Variants in CLSTN2 observed in about 807,000 individuals in gnomAD.
CLSTN2 encodes calsyntenin-2.
CLSTN2 carries 48 observed loss-of-function variants against 101.2 expected under a neutral mutation model. The ratio of observed to expected loss-of-function variants is 0.47; its 90% CI spans 0.38 to 0.60. The LOEUF (loss-of-function observed/expected upper bound fraction) is 0.60, where lower values mean the gene tolerates loss of function less well. Among genes scored for constraint, CLSTN2 ranks in the 20% least tolerant of loss-of-function variants. The pLI is 0.00. For synonymous variants in CLSTN2, 481 were observed against 463.6 expected, an observed-to-expected ratio of 1.04 and a Z score of -0.48; for missense variants, 1,160 against 1,238.2, an observed-to-expected ratio of 0.94 and a Z score of 0.95.
intron 8 of CLSTN2, among the ~76,000 whole-genome samples, chr3:140,472,672 T>C (rs1933878120): frequency 6.6e-6 from 1 of 152,204 alleles, no homozygotes; most frequent in African/African-American, 2.4e-5. Context: ...ACCAGTGTCC[T>C]AAACAGAGGG....
At chr3:140,035,532 T>G (rs962099104) in intron 1 of CLSTN2, among the ~76,000 whole-genome samples, 1 of 152,206 alleles carries the variant, frequency 6.6e-6, no homozygotes, top group Non-Finnish European at 1.5e-5. Context: ...GTTCTAAATC[T>G]TACTAGCTGT....
chr3:140,111,394 C>A (rs1280653025), intron 1 of CLSTN2, among the ~76,000 whole-genome samples: 2 of 152,118 alleles, frequency 1.3e-5, no homozygotes, highest in African/African-American at 4.8e-5. Context: ...GACAAATGAA[C>A]TCTGCAATAG....
chr3:140,188,049 G>A (rs2010507644), intron 2 of CLSTN2, among the ~76,000 whole-genome samples: 1 of 152,162 alleles, frequency 6.6e-6, no homozygotes, highest in Admixed American at 6.5e-5. Flanking sequence ...ACAGTGGAGT[G>A]TACTTGTCTA....
chr3:140,093,803 A>G (rs1018420302), intron 1 of CLSTN2, among the ~76,000 whole-genome samples: 2 of 152,250 alleles, frequency 1.3e-5, no homozygotes, highest in East Asian at 1.9e-4. Flanking sequence ...TACAATTAGT[A>G]TGTCAAACCT....
At chr3:140,092,049 T>C (rs1216717179) in intron 1 of CLSTN2, among the ~76,000 whole-genome samples, 1 of 152,124 alleles carries the variant, frequency 6.6e-6, no homozygotes, top group African/African-American at 2.4e-5. Flanking sequence ...TACCAGCCCG[T>C]TGGATCAGCC....
At chr3:140,327,585 G>C (rs2087344385) in intron 2 of CLSTN2, among the ~76,000 whole-genome samples, 1 of 152,182 alleles carries the variant, frequency 6.6e-6, no homozygotes, top group Non-Finnish European at 1.5e-5. Flanking sequence ...ATACTCAAAA[G>C]AATGTGCACT....
At chr3:140,336,009 A>G (rs768037487) in intron 2 of CLSTN2, among the ~76,000 whole-genome samples, 5 of 152,178 alleles carry the variant, frequency 3.3e-5, no homozygotes, top group Admixed American at 6.5e-5. Flanking sequence ...ATTGCTCTTT[A>G]GTCTTTTGTA....
chr3:140,080,458 T>G (rs1421436765), intron 1 of CLSTN2, among the ~76,000 whole-genome samples: 35 of 152,202 alleles, frequency 2.3e-4, no homozygotes, highest in Non-Finnish European at 4.4e-5. Flanking sequence ...TAGACCTTTC[T>G]TTGAGCGACA....
intron 2 of CLSTN2, among the ~76,000 whole-genome samples, chr3:140,188,118 T>TAGCACTG (rs1298219878): frequency 1.3e-5 from 2 of 152,212 alleles, no homozygotes; most frequent in Non-Finnish European, 2.9e-5. Context: ...TTTGTGTTTC[T>TAGCACTG]AGCACTGAGC....
chr3:140,088,210 C>A (rs566202658), intron 1 of CLSTN2, among the ~76,000 whole-genome samples: 37 of 152,244 alleles, frequency 2.4e-4, no homozygotes, highest in Middle Eastern at 6.8e-3. Flanking sequence ...AGAGATGGTA[C>A]TATCATAAAA....
At chr3:140,165,365 T>C (rs930140955) in intron 1 of CLSTN2, among the ~76,000 whole-genome samples, 11 of 152,178 alleles carry the variant, frequency 7.2e-5, no homozygotes, top group African/African-American at 2.7e-4. Flanking sequence ...TGTTTACCAG[T>C]GACTCACTAT....
intron 1 of CLSTN2, among the ~76,000 whole-genome samples, chr3:140,124,403 G>C (rs972063660): frequency 6.6e-6 from 1 of 152,188 alleles, no homozygotes; most frequent in Non-Finnish European, 1.5e-5. Flanking sequence ...AAGGAGAGCA[G>C]TTGTCTAATG....
chr3:140,252,688 G>A (rs2086574362), intron 2 of CLSTN2, among the ~76,000 whole-genome samples: 1 of 152,218 alleles, frequency 6.6e-6, no homozygotes, highest in African/African-American at 2.4e-5. Flanking sequence ...GAGAAGCACA[G>A]TTATGCAGAG....
chr3:140,474,607 A>T (rs1933936465), intron 8 of CLSTN2, among the ~76,000 whole-genome samples: 1 of 152,136 alleles, frequency 6.6e-6, no homozygotes, highest in Non-Finnish European at 1.5e-5. Context: ...CTTTCTCTTG[A>T]CAGTGCTTCA....
intron 2 of CLSTN2, among the ~76,000 whole-genome samples, chr3:140,287,653 A>G (rs1477540202): frequency 1.3e-5 from 2 of 152,214 alleles, no homozygotes; most frequent in Admixed American, 1.3e-4. Context: ...GGAAAATGGA[A>G]TACTTGGTAT....
chr3:140,562,424 G>A (rs1935936024), intron 13 of CLSTN2, 116 bp downstream of exon 13: 1 of 990,986 alleles, frequency 1.0e-6, no homozygotes, highest in Admixed American at 2.7e-5. Context: ...CCAGGGACCA[G>A]TTGGAGATCC....
At chr3:139,993,639 G>A (rs766190316) in intron 1 of CLSTN2, among the ~76,000 whole-genome samples, 35 of 152,080 alleles carry the variant, frequency 2.3e-4, no homozygotes, top group Non-Finnish European at 4.4e-4. Flanking sequence ...CTCACAAACC[G>A]TGCCTGTACT....
At chr3:140,327,882 T>G (rs1428021620) in intron 2 of CLSTN2, among the ~76,000 whole-genome samples, 1 of 152,218 alleles carries the variant, frequency 6.6e-6, no homozygotes, top group Non-Finnish European at 1.5e-5. Context: ...GGTACATTTG[T>G]TTAATGAAAA....
At chr3:140,363,869 A>G (rs1240663778) in intron 2 of CLSTN2, among the ~76,000 whole-genome samples, 1 of 152,274 alleles carries the variant, frequency 6.6e-6, no homozygotes, top group African/African-American at 2.4e-5. Context: ...TACTCTGGCA[A>G]TGGCCAACTT....
Sources: gnomAD v4.1 joint callset for allele counts (sites outside exome capture counted in the v4.1 genomes callset) on GRCh38, gnomAD v4.1.1 for gene constraint, MANE v1.5 for transcripts, NCBI Gene and HGNC (gene_info 2026-07-23, HGNC 2026-07-21) for gene names.